The following WDR33 variants were observed in gnomAD, a reference collection of about 807,000 sequenced individuals.
WDR33 encodes WD repeat domain 33.
Under a neutral mutation model 164.9 loss-of-function variants are expected in WDR33, and 47 were observed. The ratio of observed to expected loss-of-function variants is 0.29; its 90% CI spans 0.23 to 0.36. The LOEUF (loss-of-function observed/expected upper bound fraction) is 0.36, where lower values mean the gene tolerates loss of function less well. WDR33 is among the 10% of genes least tolerant of loss of function. The pLI is 1.00. For missense variants in WDR33, 1,137 were observed against 1,754.1 expected (o/e 0.65, Z 6.28); for synonymous variants, 505 against 589.0 (o/e 0.86, Z 2.06).
chr2:127,709,384 G>A lies in WDR33; in HGVS notation c.3565+106C>T. 1 of 1,077,258 alleles carries A rather than the reference G, an allele frequency of 9.3e-7. No homozygotes were observed. The allele number at this position is 1,077,258 out of a possible 1,614,324, so 66.7% of individuals were successfully genotyped here. ...CAGGAGACAGCCCAGCCCCCCGGGA[G>A]ACATGAGCTGGAAAGAGGAGACCCG... On this transcript the variant is annotated intron_variant, in intron 20 of 21. Transcript: ENST00000322313. This position sits in a 1 kb window ranked among gnomAD's most constrained non-coding sequence, Gnocchi z 5.0.
rs1270868262 is a variant in WDR33, at chr2:127,718,733, T to C, written c.2760+532A>G. ...TGGAATAACAGTCTCTTTATTTCTA[T>C]TCACTGTAATAAACAGAGTGAGGTA... is the stretch of plus-strand genomic sequence containing the variant. On this transcript the variant is annotated intron_variant, in intron 16 of 21. Coordinates refer to ENST00000322313, the MANE Select transcript of WDR33 (RefSeq NM_018383.5). The surrounding 1 kb of genome is among the most constrained non-coding windows in gnomAD (Gnocchi z 4.4). Among the ~76,000 whole-genome samples, 1 of 152,250 alleles carries C rather than the reference T, an allele frequency of 6.6e-6. No individual in the cohort carries two copies. Among genetic ancestry groups the C allele is most frequent in the Admixed American group, 6.5e-5 (1 of 15,288 alleles).
chr2:127,722,465 G>A lies in WDR33; in HGVS notation c.1518+126C>T. 1.5e-6 allele frequency: 2 copies of A among 1,299,286 alleles called. No individual in the cohort carries two copies. Among genetic ancestry groups the A allele is most frequent in the Non-Finnish European group, 2.1e-6 (2 of 942,400 alleles). The allele number at this position is 1,299,286 out of a possible 1,614,324, so 80.5% of individuals were successfully genotyped here. ...CAGTAGATGAGAACCATGTCTAAGA[G>A]TACGTGAACATGGGAAAAATGCTCC... On this transcript the variant is annotated intron_variant, in intron 14 of 21. Coordinates refer to ENST00000322313, the MANE Select transcript of WDR33 (RefSeq NM_018383.5). The surrounding 1 kb of genome is among the most constrained non-coding windows in gnomAD (Gnocchi z 5.1).
At chr2:127,808,891 G>A (rs1185292292) in intron 1 of WDR33, among the ~76,000 whole-genome samples, 2 of 152,022 alleles carry the variant, frequency 1.3e-5, no homozygotes, top group Admixed American at 6.6e-5. Flanking sequence ...TTAGCCGGAC[G>A]CGGTGGCGGG....
intron 1 of WDR33, among the ~76,000 whole-genome samples, chr2:127,783,989 GAAA>G (rs34983818): frequency 6.7e-6 from 1 of 149,284 alleles, no homozygotes; most frequent in South Asian, 2.1e-4. Flanking sequence ...TATTAGAAAT[GAAA>G]AAAAAAAAGT....
At chr2:127,806,032 G>A (rs1689428893) in intron 1 of WDR33, among the ~76,000 whole-genome samples, 1 of 151,566 alleles carries the variant, frequency 6.6e-6, no homozygotes, top group Non-Finnish European at 1.5e-5. Context: ...CAGATTGCTT[G>A]AGCTGGGAGG....
At chr2:127,773,083 CCAT>C (rs1688062921) in intron 1 of WDR33, among the ~76,000 whole-genome samples, 1 of 152,144 alleles carries the variant, frequency 6.6e-6, no homozygotes, top group Admixed American at 6.6e-5. Flanking sequence ...ATGCAGTGAA[CCAT>C]GATAGCACCA....
intron 1 of WDR33, among the ~76,000 whole-genome samples, chr2:127,780,415 A>T (rs1409240595): frequency 1.3e-5 from 2 of 152,166 alleles, no homozygotes; most frequent in African/African-American, 4.8e-5. Flanking sequence ...CTTTGAGGGG[A>T]TCTTCATGAG....
chr2:127,740,346 TACACACACAC>T (rs71307275), intron 7 of WDR33, among the ~76,000 whole-genome samples: 19 of 149,698 alleles, frequency 1.3e-4, no homozygotes, highest in Admixed American at 8.0e-4. Context: ...TGTATTTCTC[TACACACACAC>T]ACACACACAC....
Position 127,722,872 on chromosome 2 carries a change from T to C in WDR33, c.1378+86A>G. 4 of 1,418,936 alleles carry C rather than the reference T, an allele frequency of 2.8e-6. No individual in the cohort carries two copies. In the East Asian group the frequency reaches 9.7e-5, roughly 34 times the overall value. 87.9% of individuals were successfully genotyped at this position (1,418,936 alleles called of 1,614,324 possible). On this transcript the variant is annotated intron_variant, in intron 13 of 21. Coordinates refer to ENST00000322313, the MANE Select transcript of WDR33 (RefSeq NM_018383.5). The surrounding 1 kb of genome is among the most constrained non-coding windows in gnomAD (Gnocchi z 5.1). ...TCAACATTTCTCAACATAAATCATTTTGGTATTTCAATATATTTATCAGGA... is the reference window on the plus strand; with the variant it reads ...TCAACATTTCTCAACATAAATCATTCTGGTATTTCAATATATTTATCAGGA...
chr2:127,776,136 A>C (rs930529341), intron 1 of WDR33, among the ~76,000 whole-genome samples: 18 of 152,270 alleles, frequency 1.2e-4, no homozygotes, highest in African/African-American at 3.9e-4. Flanking sequence ...TAGGGCCCTA[A>C]TCCAATCTAA....
At chr2:127,795,889 T>TG (rs1689021379) in intron 1 of WDR33, among the ~76,000 whole-genome samples, 1 of 149,064 alleles carries the variant, frequency 6.7e-6, no homozygotes, top group Non-Finnish European at 1.5e-5. Flanking sequence ...AAGGAGAAAA[T>TG]GGGGAGGGGA....
rs1462799777 is a variant in WDR33, at chr2:127,724,739, C to T, written c.1085+148G>A. Reference sequence around the variant, plus strand: ...ACAAACAGAGGTACATTTTCTATTCCAAGCTGGATTTACAGAACTGAAAAC... The same window carrying T: ...ACAAACAGAGGTACATTTTCTATTCTAAGCTGGATTTACAGAACTGAAAAC... On this transcript the variant is annotated intron_variant, in intron 10 of 21. Coordinates refer to ENST00000322313, the MANE Select transcript of WDR33 (RefSeq NM_018383.5). The surrounding 1 kb of genome is among the most constrained non-coding windows in gnomAD (Gnocchi z 4.8). The T allele has an allele frequency of 2.3e-5, 20 of 865,056 alleles. No homozygotes were observed. The Admixed American group carries it at 4.2e-4, about 18-fold the overall frequency. 53.6% of individuals were successfully genotyped at this position (865,056 alleles called of 1,614,324 possible). A position where few individuals can be genotyped will look rare whatever the true frequency, so the allele number is the denominator to read the frequency against.
Position 127,719,967 on chromosome 2 carries a change from AG to A in WDR33, c.2057del (p.Pro686LeufsTer32). On this transcript the variant is annotated frameshift_variant, in exon 16 of 22. Transcript: ENST00000322313. LOFTEE classifies it high-confidence loss of function. The surrounding 1 kb of genome is among the most constrained non-coding windows in gnomAD (Gnocchi z 6.5). The stretch of plus-strand genomic sequence containing the variant: ...GTCCAGGTGGCCCTTGAGGTCCCAA[AG>A]GGCCATGAGGTCCAGGATGCCTCTG... Reference protein sequence around the residue: ...GMQRHPGPHGPLGPQGPPGPQ... With the variant: ...GMQRHPGPHGXLGPQGPPGPQ... 1 of 1,613,864 alleles carries A rather than the reference AG, an allele frequency of 6.2e-7. No homozygotes were observed.
intron 1 of WDR33, among the ~76,000 whole-genome samples, chr2:127,795,509 A>C (rs569794614): frequency 6.6e-5 from 10 of 152,076 alleles, no homozygotes; most frequent in Non-Finnish European, 1.2e-4. Flanking sequence ...AGTCCATAAC[A>C]ATGGACAAAT....
rs1049471777 is a variant in WDR33 at position 127,715,088 on chromosome 2, C to G, written c.2870-1067G>C. On this transcript the variant is annotated intron_variant, in intron 17 of 21. Coordinates refer to ENST00000322313, the MANE Select transcript of WDR33 (RefSeq NM_018383.5). Reference sequence around the variant, plus strand: ...TCTTCTTTCTTTTCTTTCTTTGTTTCTTTTTTTTTTTTTTTTTTTTTTGAG... The same window carrying G: ...TCTTCTTTCTTTTCTTTCTTTGTTTGTTTTTTTTTTTTTTTTTTTTTTGAG... Among the ~76,000 whole-genome samples, 3 of 108,580 alleles carry G rather than the reference C, an allele frequency of 2.8e-5. No individual in the cohort carries two copies. The Admixed American group carries it at 3.0e-4, about 11-fold the overall frequency. The allele number at this position is 108,580 out of a possible 152,430, so 71.2% of individuals were successfully genotyped here.
intron 1 of WDR33, among the ~76,000 whole-genome samples, chr2:127,774,561 G>A (rs989355848): frequency 2.0e-5 from 3 of 151,084 alleles, no homozygotes; most frequent in South Asian, 2.1e-4. Context: ...CAGGCGCGGC[G>A]GCTCACGCCT....
chr2:127,740,429 C>T (rs1190487550), intron 7 of WDR33, among the ~76,000 whole-genome samples: 1 of 152,056 alleles, frequency 6.6e-6, no homozygotes, highest in Non-Finnish European at 1.5e-5. Flanking sequence ...TGTCATGGTG[C>T]CCAGGGGGAC....
At chr2:127,749,858 C>A (rs1687266207) in intron 7 of WDR33, among the ~76,000 whole-genome samples, 1 of 145,694 alleles carries the variant, frequency 6.9e-6, no homozygotes, top group Non-Finnish European at 1.5e-5. Context: ...TTTTTTGAGA[C>A]GGAGTCTCAC....
At chr2:127,762,966 A>G (rs774127332) in intron 7 of WDR33, 96 bp downstream of exon 7, 27 of 1,571,804 alleles carry the variant, frequency 1.7e-5, no homozygotes, top group Non-Finnish European at 2.2e-5. Flanking sequence ...AAAAAAATTG[A>G]ATGGAGGTGT....
Sources: allele counts gnomAD v4.1 joint callset (sites outside exome capture counted in the v4.1 genomes callset), GRCh38; gene constraint gnomAD v4.1.1; non-coding constraint Gnocchi (gnomAD v3.1); transcripts MANE v1.5; gene names NCBI Gene and HGNC (gene_info 2026-07-23, HGNC 2026-07-21).